MALRD1: variants seen among roughly 807,000 people sequenced by gnomAD.
The protein encoded by MALRD1 is MAM and LDL receptor class A domain containing 1.
Under a neutral mutation model 242.1 loss-of-function variants are expected in MALRD1, and 247 were observed. The observed-to-expected ratio is 1.02, with a 90% CI of 0.92 to 1.13. The LOEUF is 1.13. Among genes scored for constraint, MALRD1 ranks in the 50% most tolerant of loss-of-function variants. The pLI is 0.00. For synonymous variants in MALRD1, 995 were observed against 866.6 expected, an observed-to-expected ratio of 1.15 and a Z score of -2.60; for missense variants, 2,989 against 2,533.1, an observed-to-expected ratio of 1.18 and a Z score of -3.86.
At chr10:19,525,903 A>G (rs1340798201) in intron 31 of MALRD1, among the ~76,000 whole-genome samples, 2 of 152,184 alleles carry the variant, frequency 1.3e-5, no homozygotes, top group Non-Finnish European at 2.9e-5. Context: ...AGTAAGCTGT[A>G]AAACAGTCCA....
At chr10:19,325,211 C>G (rs1843075336) in intron 22 of MALRD1, among the ~76,000 whole-genome samples, 1 of 151,606 alleles carries the variant, frequency 6.6e-6, no homozygotes, top group Non-Finnish European at 1.5e-5. Context: ...GTATTATAAT[C>G]TATTAGTATT....
At chr10:19,312,652 C>T (rs1010463851) in intron 21 of MALRD1, among the ~76,000 whole-genome samples, 1 of 151,156 alleles carries the variant, frequency 6.6e-6, no homozygotes, top group Admixed American at 6.6e-5. Context: ...AACTTTGACT[C>T]ATTTGCAAAA....
intron 2 of MALRD1, among the ~76,000 whole-genome samples, chr10:19,069,410 T>C (rs1368337880): frequency 6.6e-6 from 1 of 152,050 alleles, no homozygotes; most frequent in African/African-American, 2.4e-5. Flanking sequence ...ATCAATGTTA[T>C]AATATTTGCT....
At chr10:19,562,945 A>G (rs1002058257) in intron 32 of MALRD1, among the ~76,000 whole-genome samples, 3 of 152,170 alleles carry the variant, frequency 2.0e-5, no homozygotes, top group Non-Finnish European at 2.9e-5. Context: ...ATTGTCTTCC[A>G]TGAAAGGGTC....
chr10:19,368,606 T>A (rs373025931), intron 26 of MALRD1, among the ~76,000 whole-genome samples: 2 of 152,058 alleles, frequency 1.3e-5, no homozygotes, highest in Non-Finnish European at 2.9e-5. Flanking sequence ...TTTGGGGTCT[T>A]TTGTAATGCC....
intron 35 of MALRD1, among the ~76,000 whole-genome samples, chr10:19,612,148 A>G (rs766546536): frequency 1.1e-4 from 17 of 151,992 alleles, no homozygotes; most frequent in Non-Finnish European, 2.2e-4. Flanking sequence ...AATTGTACCT[A>G]AGATCAAAAA....
At chr10:19,195,049 TG>T (rs1836176008) in intron 14 of MALRD1, among the ~76,000 whole-genome samples, 1 of 149,848 alleles carries the variant, frequency 6.7e-6, no homozygotes, top group South Asian at 2.1e-4. Context: ...CTGCCCAGGA[TG>T]TGGAATCATC....
rs1204898218 is a variant in MALRD1 at position 19,491,521 on chromosome 10, A to G, written c.5034A>G (p.Gly1678=). The G allele has an allele frequency of 6.5e-7, 1 of 1,549,640 alleles. No individual in the cohort carries two copies. Among genetic ancestry groups the G allele is most frequent in the East Asian group, 2.4e-5 (1 of 40,884 alleles). ...TGTTTTTTTGTTTTTCCCTAGTGGG[A>G]GAGATCTCTGAGCTTTGTCCGGAAA... The part of the protein sequence containing the change: ...DIEFKNCTTV[G]EISELCPEIT... The change falls in exon 30 of 40, where the codon GGA becomes GGG. Residue 1678 remains glycine (G), a synonymous_variant. Coordinates refer to ENST00000454679, the MANE Select transcript of MALRD1 (RefSeq NM_001142308.3).
At chr10:19,381,259 A>G (rs183047231) in intron 26 of MALRD1, among the ~76,000 whole-genome samples, 3,716 of 151,206 alleles carry the variant, frequency 0.025, 69 homozygotes, top group Non-Finnish European at 0.038. Flanking sequence ...TTATGGCTGC[A>G]TAGTATTCCA....
At chr10:19,142,198 G>A (rs1293764196) in intron 10 of MALRD1, among the ~76,000 whole-genome samples, 69 of 95,484 alleles carry the variant, frequency 7.2e-4, no homozygotes, top group Non-Finnish European at 8.6e-4. Flanking sequence ...AAAAAAAAAA[G>A]TGGAATGCTA....
chr10:19,499,546 A>G (rs1192685526), intron 31 of MALRD1, among the ~76,000 whole-genome samples: 1 of 152,008 alleles, frequency 6.6e-6, no homozygotes, highest in Non-Finnish European at 1.5e-5. Flanking sequence ...CTCCAGCCTG[A>G]CAGTCCACCC....
intron 29 of MALRD1, among the ~76,000 whole-genome samples, chr10:19,467,508 T>G (rs7906538): frequency 0.81 from 122,352 of 150,394 alleles, 49,973 homozygotes; most frequent in East Asian, 1. Context: ...TCTCTTTAAA[T>G]GCCTTGTTTC....
chr10:19,480,372 C>T (rs961320951), intron 29 of MALRD1, among the ~76,000 whole-genome samples: 2 of 152,006 alleles, frequency 1.3e-5, no homozygotes, highest in African/African-American at 2.4e-5. Flanking sequence ...AGTGGGACTA[C>T]CAAGGAAAAT....
At chr10:19,199,583 T>G (rs1197270641) in intron 14 of MALRD1, among the ~76,000 whole-genome samples, 9 of 152,040 alleles carry the variant, frequency 5.9e-5, no homozygotes, top group African/African-American at 2.2e-4. Flanking sequence ...GGTGGATCAC[T>G]TGAGGTCAGG....
chr10:19,394,861 T>C (rs900946611), intron 28 of MALRD1, among the ~76,000 whole-genome samples: 1 of 152,236 alleles, frequency 6.6e-6, no homozygotes, highest in African/African-American at 2.4e-5. Context: ...CAGACAGGTT[T>C]TCAAAGTTAG....
chr10:19,515,949 A>G (rs1833608789), intron 31 of MALRD1, among the ~76,000 whole-genome samples: 1 of 152,176 alleles, frequency 6.6e-6, no homozygotes, highest in Non-Finnish European at 1.5e-5. Context: ...GATTACTTAC[A>G]CCTATTTAAT....
At chr10:19,564,520 A>G (rs1836168547) in intron 32 of MALRD1, among the ~76,000 whole-genome samples, 1 of 152,024 alleles carries the variant, frequency 6.6e-6, no homozygotes, top group Admixed American at 6.6e-5. Context: ...AGTTATGCTA[A>G]AATTATTACT....
chr10:19,489,241 C>CA (rs1285035167), intron 29 of MALRD1: 103 of 476,844 alleles, frequency 2.2e-4, no homozygotes, highest in South Asian at 1.5e-3. Flanking sequence ...CATCTTAAGA[C>CA]AAAAAAGCAC....
chr10:19,120,003 A>G (rs538635070), intron 5 of MALRD1, among the ~76,000 whole-genome samples: 3 of 152,302 alleles, frequency 2.0e-5, no homozygotes, highest in Admixed American at 2.0e-4. Context: ...GGCTTAAGTC[A>G]GTAGCAGGAT....
Sources: allele counts gnomAD v4.1 joint callset (sites outside exome capture counted in the v4.1 genomes callset), GRCh38; gene constraint gnomAD v4.1.1; transcripts MANE v1.5; gene names NCBI Gene and HGNC (gene_info 2026-07-23, HGNC 2026-07-21).